Variants in PTPRG observed in about 807,000 individuals in gnomAD.
PTPRG encodes protein tyrosine phosphatase receptor type G.
In PTPRG, 102 loss-of-function variants were observed where a neutral mutation model predicts 165.3. That is an observed-to-expected ratio of 0.62 (90% CI 0.53 to 0.73). The LOEUF (loss-of-function observed/expected upper bound fraction) is 0.73. PTPRG is among the 30% of genes least tolerant of loss of function. PTPRG has a pLI of 0.00. For missense variants in PTPRG, 1,866 were observed against 1,861.4 expected (o/e 1.00, Z -0.05); for synonymous variants, 675 against 669.5 (o/e 1.01, Z -0.13).
At chr3:61,835,439 T>A (rs991517102) in intron 2 of PTPRG, among the ~76,000 whole-genome samples, 1 of 152,108 alleles carries the variant, frequency 6.6e-6, no homozygotes, top group Non-Finnish European at 1.5e-5. Flanking sequence ...ATTCAAGCGA[T>A]TCTCCTGCCT....
chr3:61,722,323 C>T (rs948125985), intron 1 of PTPRG, among the ~76,000 whole-genome samples: 8 of 152,132 alleles, frequency 5.3e-5, no homozygotes, highest in Non-Finnish European at 1.2e-4. Context: ...CTGATGCCCC[C>T]GTGGGCCAAA....
chr3:61,841,378 T>A (rs1408621576), intron 2 of PTPRG, among the ~76,000 whole-genome samples: 2 of 152,166 alleles, frequency 1.3e-5, no homozygotes, highest in Non-Finnish European at 2.9e-5. Context: ...CTCTTTACAG[T>A]GATTTTAGTT....
chr3:61,711,134 G>C (rs2031531197), intron 1 of PTPRG, among the ~76,000 whole-genome samples: 1 of 152,134 alleles, frequency 6.6e-6, no homozygotes, highest in African/African-American at 2.4e-5. Flanking sequence ...GTATTCCATG[G>C]TGTATGTGTG....
chr3:62,136,263 G>A (rs947616840), intron 6 of PTPRG, among the ~76,000 whole-genome samples: 1 of 152,192 alleles, frequency 6.6e-6, no homozygotes, highest in African/African-American at 2.4e-5. Context: ...GCATATGCTT[G>A]GTAGAGATGT....
chr3:62,168,048 T>G lies in PTPRG; in HGVS notation c.918T>G (p.Phe306Leu). ...CGGTGGAGTATCTGAGAAATAACTTTCGACCACAGCAGCGTCTGCATGACA... is the reference window on the plus strand; with the variant it reads ...CGGTGGAGTATCTGAGAAATAACTTGCGACCACAGCAGCGTCTGCATGACA... ...VKSVEYLRNN[F>L]RPQQRLHDRV... Residue 306 changes from phenylalanine (F) to leucine (L), a missense_variant, in exon 8 of 30, where the codon TTT (phenylalanine) becomes TTG (leucine). Coordinates refer to ENST00000474889, the MANE Select transcript of PTPRG (RefSeq NM_002841.4). 2 of 1,614,006 alleles carry G rather than the reference T, an allele frequency of 1.2e-6. No homozygotes were observed. Among genetic ancestry groups the G allele is most frequent in the Non-Finnish European group, 1.7e-6 (2 of 1,179,960 alleles).
At chr3:61,792,988 A>C (rs1208748840) in intron 2 of PTPRG, among the ~76,000 whole-genome samples, 1 of 152,082 alleles carries the variant, frequency 6.6e-6, no homozygotes, top group African/African-American at 2.4e-5. Context: ...CGGCCTTCCA[A>C]AGTGCTGGGA....
chr3:61,717,666 A>G (rs897633450), intron 1 of PTPRG, among the ~76,000 whole-genome samples: 1 of 151,996 alleles, frequency 6.6e-6, no homozygotes, highest in Non-Finnish European at 1.5e-5. Flanking sequence ...GTTTGTGCCT[A>G]TAGTCCCAGC....
At chr3:61,737,048 A>G (rs762774497) in intron 1 of PTPRG, among the ~76,000 whole-genome samples, 2 of 152,138 alleles carry the variant, frequency 1.3e-5, no homozygotes, top group Non-Finnish European at 2.9e-5. Context: ...AAGATTTACC[A>G]GGGTGGATGC....
At position 61,800,661 on chromosome 3, in the gene PTPRG, T is replaced by C. The variant is rs931210596; in HGVS notation, c.190+51679T>C. ...GGACAGAACTGTGCACGGTACTCTG[T>C]TTTTTTTTTTTTGTTCTTGTTGCCC... On this transcript the variant is annotated intron_variant, in intron 2 of 29. Coordinates refer to ENST00000474889, the MANE Select transcript of PTPRG (RefSeq NM_002841.4). 2.3e-5 allele frequency among the ~76,000 whole-genome samples: 3 copies of C among 132,824 alleles called. No homozygotes were observed. In the South Asian group the frequency reaches 8.5e-4, roughly 38 times the overall value. 87.1% of individuals were successfully genotyped at this position (132,824 alleles called of 152,430 possible).
chr3:61,741,994 G>A (rs2033010156), intron 1 of PTPRG, among the ~76,000 whole-genome samples: 1 of 152,134 alleles, frequency 6.6e-6, no homozygotes, highest in Admixed American at 6.5e-5. Flanking sequence ...TAGACTCAGT[G>A]ACCCTTTCAT....
intron 5 of PTPRG, among the ~76,000 whole-genome samples, chr3:62,081,585 T>A (rs1005381026): frequency 1.2e-4 from 18 of 152,192 alleles, no homozygotes; most frequent in African/African-American, 4.1e-4. Context: ...GCTCAAGTGA[T>A]GCTCCTGCCT....
At chr3:62,238,067 G>C (rs1170850548) in intron 14 of PTPRG, among the ~76,000 whole-genome samples, 1 of 152,200 alleles carries the variant, frequency 6.6e-6, no homozygotes, top group South Asian at 2.1e-4. Flanking sequence ...CACTTCGGTA[G>C]CATTTAGGGC....
intron 1 of PTPRG, among the ~76,000 whole-genome samples, chr3:61,611,442 C>T (rs1028280448): frequency 6.6e-6 from 1 of 152,122 alleles, no homozygotes; most frequent in East Asian, 1.9e-4. Context: ...GTAAAAAAAA[C>T]TTGAATGCTT....
intron 12 of PTPRG, among the ~76,000 whole-genome samples, chr3:62,204,326 AG>A (rs2106843006): frequency 6.6e-6 from 1 of 152,304 alleles, no homozygotes; most frequent in Admixed American, 6.5e-5. Context: ...GTTTGGTGCC[AG>A]GGACTGGGCA....
At chr3:61,724,624 G>A (rs1318224260) in intron 1 of PTPRG, among the ~76,000 whole-genome samples, 1 of 151,888 alleles carries the variant, frequency 6.6e-6, no homozygotes. Context: ...AAGAGATCCA[G>A]TTTTTTTGCA....
intron 3 of PTPRG, among the ~76,000 whole-genome samples, chr3:61,999,710 A>G (rs2041125645): frequency 6.6e-6 from 1 of 152,188 alleles, no homozygotes; most frequent in Non-Finnish European, 1.5e-5. Flanking sequence ...TATCAACACC[A>G]TTATTGGAAA....
rs2148873186 is a variant in PTPRG, at chr3:62,271,565, A to G, written c.3182+10A>G. On this transcript the variant is annotated intron_variant, in intron 21 of 29. Transcript: ENST00000474889. The surrounding 1 kb of genome is among the most constrained non-coding windows in gnomAD (Gnocchi z 4.1). The stretch of plus-strand genomic sequence containing the variant: ...TGTTGGTGCACTGCAGGTAGGGTCT[A>G]GGATTCAACATGTGAAATAGATGGG... The G allele has an allele frequency of 1.2e-6, 2 of 1,608,794 alleles. 1 individual carries two copies.
chr3:61,563,133 GGGGGC>G, intron 1 of PTPRG, among the ~76,000 whole-genome samples: 1 of 151,004 alleles, frequency 6.6e-6, no homozygotes, highest in African/African-American at 2.4e-5. Context: ...GACGCGGGGA[GGGGGC>G]GGGGGCGGTT....
chr3:62,121,357 TAAC>T (rs1352110701), intron 5 of PTPRG, among the ~76,000 whole-genome samples: 2 of 152,160 alleles, frequency 1.3e-5, no homozygotes, highest in Non-Finnish European at 2.9e-5. Context: ...TTAATCCTCT[TAAC>T]AACCCTATGA....
Sources: gnomAD v4.1 joint callset for allele counts (sites outside exome capture counted in the v4.1 genomes callset) on GRCh38, gnomAD v4.1.1 for gene constraint, Gnocchi (gnomAD v3.1) non-coding constraint, MANE v1.5 for transcripts, NCBI Gene and HGNC (gene_info 2026-07-23, HGNC 2026-07-21) for gene names.